POLN: variants seen among roughly 807,000 people sequenced by gnomAD.
POLN encodes DNA polymerase nu.
In POLN, 108 loss-of-function variants were observed where a neutral mutation model predicts 113.5. That is an observed-to-expected ratio of 0.95 (90% CI 0.81 to 1.12). The LOEUF is 1.12. POLN is among the 50% of genes most tolerant of loss of function. The pLI is 0.00. For synonymous variants in POLN, 386 were observed against 391.5 expected (o/e 0.99, Z 0.17); for missense variants, 1,097 against 1,077.1 (o/e 1.02, Z -0.26).
intron 3 of POLN, among the ~76,000 whole-genome samples, chr4:2,219,389 G>A (rs1038636980): frequency 6.6e-6 from 1 of 152,176 alleles, no homozygotes; most frequent in African/African-American, 2.4e-5. Context: ...ACTCACTATG[G>A]TGTTGCATAA....
intron 19 of POLN, among the ~76,000 whole-genome samples, chr4:2,113,780 C>T (rs1436576062): frequency 2.0e-5 from 3 of 151,570 alleles, no homozygotes; most frequent in Non-Finnish European, 2.9e-5. Context: ...ATTGCTTGAA[C>T]CCAGGAGGCG....
intron 19 of POLN, among the ~76,000 whole-genome samples, chr4:2,100,222 T>A (rs915575743): frequency 1.3e-5 from 2 of 152,176 alleles, no homozygotes; most frequent in African/African-American, 4.8e-5. Context: ...AGTGGGCTTA[T>A]GGAAATCTGG....
chr4:2,173,954 C>A lies in POLN; in HGVS notation c.1374+1G>T, dbSNP rs959102843. 1 of 1,613,840 alleles carries A rather than the reference C, an allele frequency of 6.2e-7. No homozygotes were observed. The highest frequency in any genetic ancestry group is 8.5e-7 in the Non-Finnish European group (1 of 1,179,714). On this transcript the variant is annotated splice_donor_variant, in intron 11 of 25. Transcript: ENST00000511885. LOFTEE classifies it high-confidence loss of function. Reference sequence around the variant, plus strand: ...ACAAACCATCTGGAATAATAACTTACCCCAAGAAGTGCTGACGTCTTCTCC... The same window carrying A: ...ACAAACCATCTGGAATAATAACTTAACCCAAGAAGTGCTGACGTCTTCTCC...
chr4:2,079,368 G>A, intron 23 of POLN: 1 of 925,076 alleles, frequency 1.1e-6, no homozygotes, highest in Non-Finnish European at 1.3e-6. Flanking sequence ...AACTGTGGAA[G>A]TGAGCGGGAT....
intron 13 of POLN, among the ~76,000 whole-genome samples, chr4:2,161,461 G>A (rs921133816): frequency 6.6e-6 from 1 of 152,236 alleles, no homozygotes. Context: ...TCAGCCCACC[G>A]GCGCTGCGCT....
rs1221519065 is a variant in POLN at position 2,213,033 on chromosome 4, G to C, written c.213+14C>G. The C allele has an allele frequency of 6.4e-7, 1 of 1,568,748 alleles. No individual in the cohort carries two copies. ...GTTATCTATTTAAAATTACTCATAT[G>C]TGCAATGATTTACCTTTTTTTCTGG... On this transcript the variant is annotated intron_variant, in intron 4 of 25. Coordinates refer to ENST00000511885, the MANE Select transcript of POLN (RefSeq NM_181808.4).
intron 16 of POLN, among the ~76,000 whole-genome samples, chr4:2,146,528 A>G (rs1732144559): frequency 6.6e-6 from 1 of 152,292 alleles, no homozygotes; most frequent in East Asian, 1.9e-4. Flanking sequence ...AAAGCACTCA[A>G]GTAATGTTGA....
chr4:2,205,822 C>G (rs1289461322), intron 5 of POLN, among the ~76,000 whole-genome samples: 5 of 149,612 alleles, frequency 3.3e-5, no homozygotes, highest in Non-Finnish European at 4.4e-5. Flanking sequence ...TTGCAGTGAG[C>G]TGAGATTGTG....
intron 20 of POLN, chr4:2,089,730 C>T: frequency 4.5e-6 from 3 of 673,198 alleles, no homozygotes; most frequent in Non-Finnish European, 7.6e-6. Context: ...AAGAATTATT[C>T]AGTGTTGTGC....
At chr4:2,132,967 G>T (rs1213219699) in intron 16 of POLN, among the ~76,000 whole-genome samples, 1 of 152,126 alleles carries the variant, frequency 6.6e-6, no homozygotes, top group Non-Finnish European at 1.5e-5. Flanking sequence ...AATGGCTTTT[G>T]TAAGCCTTTT....
intron 4 of POLN, among the ~76,000 whole-genome samples, chr4:2,209,445 C>T (rs1733935574): frequency 6.8e-6 from 1 of 146,318 alleles, no homozygotes; most frequent in Non-Finnish European, 1.5e-5. Context: ...TGCCATTGCA[C>T]TCCAGCTTGG....
chr4:2,151,790 AG>A (rs1732302346), intron 16 of POLN, among the ~76,000 whole-genome samples: 1 of 152,220 alleles, frequency 6.6e-6, no homozygotes, highest in Non-Finnish European at 1.5e-5. Context: ...GCAAACAGCA[AG>A]TCAGTGGTGG....
intron 6 of POLN, among the ~76,000 whole-genome samples, chr4:2,197,063 A>G (rs920629249): frequency 6.6e-6 from 1 of 152,192 alleles, no homozygotes; most frequent in Non-Finnish European, 1.5e-5. Flanking sequence ...GGGCCTTCAT[A>G]GGTCCTGTGG....
chr4:2,146,713 T>G (rs563870931), intron 16 of POLN, among the ~76,000 whole-genome samples: 1 of 152,054 alleles, frequency 6.6e-6, no homozygotes, highest in South Asian at 2.1e-4. Flanking sequence ...TCAGAAGAAC[T>G]AACGGGCAGC....
chr4:2,186,328 C>T (rs889194582), intron 7 of POLN, among the ~76,000 whole-genome samples: 3 of 152,184 alleles, frequency 2.0e-5, no homozygotes, highest in Non-Finnish European at 4.4e-5. Flanking sequence ...TAGAGACTAG[C>T]AGACACTCGG....
At chr4:2,110,548 CAA>C (rs1467221058) in intron 19 of POLN, among the ~76,000 whole-genome samples, 1 of 151,864 alleles carries the variant, frequency 6.6e-6, no homozygotes, top group African/African-American at 2.4e-5. Context: ...TAAAAAATGA[CAA>C]AGGGGATATC....
At chr4:2,225,614 G>T (rs1310743099) in intron 3 of POLN, among the ~76,000 whole-genome samples, 1 of 146,702 alleles carries the variant, frequency 6.8e-6, no homozygotes. Context: ...TTTTTTGTTT[G>T]TTTTTTCTAA....
At chr4:2,115,068 G>A (rs1437211985) in intron 19 of POLN, among the ~76,000 whole-genome samples, 2 of 151,334 alleles carry the variant, frequency 1.3e-5, no homozygotes, top group Non-Finnish European at 2.9e-5. Flanking sequence ...TGTTTTTTGA[G>A]ATGGAGTCTC....
intron 3 of POLN, among the ~76,000 whole-genome samples, chr4:2,225,361 C>T (rs915476020): frequency 6.6e-6 from 1 of 151,908 alleles, no homozygotes; most frequent in African/African-American, 2.4e-5. Flanking sequence ...TTAAGACCAA[C>T]CTAACCAACA....
Sources: allele counts gnomAD v4.1 joint callset (sites outside exome capture counted in the v4.1 genomes callset), GRCh38; gene constraint gnomAD v4.1.1; transcripts MANE v1.5; gene names NCBI Gene and HGNC (gene_info 2026-07-23, HGNC 2026-07-21).